Variants in ACO1 observed in about 807,000 individuals in gnomAD.
ACO1 encodes cytoplasmic aconitate hydratase.
A neutral mutation model predicts 105.1 loss-of-function variants in ACO1; 78 were observed. The observed-to-expected ratio is 0.74, with a 90% CI of 0.62 to 0.90. The LOEUF is 0.90. ACO1 is among the 40% of genes least tolerant of loss of function. The probability of loss-of-function intolerance (pLI) is 0.00; values close to 1 mark genes in which losing one functional copy is unlikely to be tolerated. For missense variants in ACO1, 965 were observed against 1,111.1 expected (o/e 0.87, Z 1.87); for synonymous variants, 364 against 397.4 (o/e 0.92, Z 1.00).
At position 32,433,797 on chromosome 9, in the gene ACO1, A is replaced by G. The variant is rs1455611127; in HGVS notation, c.1921A>G (p.Thr641Ala). 6 of 1,612,138 alleles carry G rather than the reference A, an allele frequency of 3.7e-6. No individual in the cohort carries two copies. The highest frequency in any genetic ancestry group is 2.7e-5 in the African/African-American group (2 of 74,824). ...GCTGTTTTTCTGGAATTCCAAATCTACGTATATCAAATCACCACCATTCTT... is the reference window on the plus strand; with the variant it reads ...GCTGTTTTTCTGGAATTCCAAATCTGCGTATATCAAATCACCACCATTCTT... The part of the protein sequence containing the change: ...DKLFFWNSKS[T>A]YIKSPPFFEN... The change falls in exon 16 of 21, where the codon ACG becomes GCG. Residue 641 changes from threonine (T) to alanine (A), a missense_variant. Coordinates refer to ENST00000309951, the MANE Select transcript of ACO1 (RefSeq NM_002197.3).
intron 19 of ACO1, 49 bp downstream of exon 19, chr9:32,440,636 A>G: frequency 6.3e-7 from 1 of 1,590,864 alleles, no homozygotes; most frequent in South Asian, 1.1e-5. Context: ...CTGAACTGGG[A>G]GGGTCCCCAG....
intron 19 of ACO1, 145 bp from the exon 20 acceptor site, chr9:32,448,751 C>G (rs1030021166): frequency 9.8e-6 from 8 of 813,830 alleles, no homozygotes; most frequent in Middle Eastern, 2.6e-4. Context: ...AATCACTCGC[C>G]TTCTGTGTCA....
intron 4 of ACO1, among the ~76,000 whole-genome samples, chr9:32,412,310 G>C (rs1821757653): frequency 6.6e-6 from 1 of 152,142 alleles, no homozygotes; most frequent in South Asian, 2.1e-4. Context: ...AATGATGCAG[G>C]AATTAAAAGA....
In ACO1 at chr9:32,430,450, A is replaced by C; in HGVS notation, c.1602A>C (p.Gly534=). Residue 534 remains glycine (G), a synonymous_variant, in exon 14 of 21, where the codon GGA becomes GGC. Transcript: ENST00000309951. ...GDLVAVGVLS[G]NRNFEGRVHP... The stretch of plus-strand genomic sequence containing the variant: ...TTGTAGCTGTTGGAGTACTATCTGG[A>C]AACAGGAATTTTGAAGGTCGAGTTC... 1 of 1,612,514 alleles carries C rather than the reference A, an allele frequency of 6.2e-7. No homozygotes were observed. The highest frequency in any genetic ancestry group is 8.5e-7 in the Non-Finnish European group (1 of 1,179,452).
At position 32,431,646 on chromosome 9, in the gene ACO1, G is replaced by A. The variant is rs74846386; in HGVS notation, c.1727-73G>A. ...ATAGAACATAACTACCGAGGAGAAC[G>A]AGGCTTGACTCTGTATAATCATGAA... On this transcript the variant is annotated intron_variant, in intron 14 of 20. Transcript: ENST00000309951. The A allele has an allele frequency of 6.4e-5, 99 of 1,540,830 alleles. 1 individual carries two copies. In the East Asian group the frequency reaches 2.0e-3, roughly 32 times the overall value.
chr9:32,422,210 T>G (rs978302538), intron 8 of ACO1, among the ~76,000 whole-genome samples: 1 of 152,204 alleles, frequency 6.6e-6, no homozygotes, highest in African/African-American at 2.4e-5. Flanking sequence ...GCCATTATAC[T>G]TCTTGGTAAT....
intron 18 of ACO1, among the ~76,000 whole-genome samples, chr9:32,436,863 C>T (rs1016838809): frequency 6.6e-6 from 1 of 152,182 alleles, no homozygotes; most frequent in Non-Finnish European, 1.5e-5. Context: ...CCCAGCTCCA[C>T]GTTATACTAG....
rs748985515 is a variant in ACO1, at chr9:32,434,713, T to C, written c.2099+12T>C. On this transcript the variant is annotated intron_variant, in intron 17 of 20. Coordinates refer to ENST00000309951, the MANE Select transcript of ACO1 (RefSeq NM_002197.3). Reference sequence around the variant, plus strand: ...TTAACTAACAGAGGGTAAGTATGAATGAGGCAGGAAGGACTAAAGGCAAAA... The same window carrying C: ...TTAACTAACAGAGGGTAAGTATGAACGAGGCAGGAAGGACTAAAGGCAAAA... 1.9e-6 allele frequency: 3 copies of C among 1,613,818 alleles called. No homozygotes were observed. The highest frequency in any genetic ancestry group is 1.1e-5 in the South Asian group (1 of 91,058).
chr9:32,416,120 C>T (rs1202887082), intron 4 of ACO1, among the ~76,000 whole-genome samples: 3 of 138,270 alleles, frequency 2.2e-5, no homozygotes, highest in East Asian at 2.1e-4. Flanking sequence ...TTTGAGATGG[C>T]GTCTTGCTTT....
At chr9:32,441,477 AT>A (rs1822478649) in intron 19 of ACO1, among the ~76,000 whole-genome samples, 3 of 152,214 alleles carry the variant, frequency 2.0e-5, no homozygotes. Context: ...TTCTCCAGAC[AT>A]TTAGGCTTCT....
intron 1 of ACO1, among the ~76,000 whole-genome samples, chr9:32,391,029 C>G (rs1821257555): frequency 6.6e-6 from 1 of 152,122 alleles, no homozygotes; most frequent in Non-Finnish European, 1.5e-5. Flanking sequence ...TTTAAATCTT[C>G]AGTAAAAGAA....
chr9:32,410,222 A>G (rs1311327403), intron 4 of ACO1, among the ~76,000 whole-genome samples: 1 of 152,212 alleles, frequency 6.6e-6, no homozygotes, highest in Non-Finnish European at 1.5e-5. Context: ...AAATAGTAGA[A>G]TCTAAGAGAA....
intron 1 of ACO1, among the ~76,000 whole-genome samples, chr9:32,398,538 T>C (rs924665673): frequency 6.7e-6 from 1 of 149,970 alleles, no homozygotes; most frequent in Admixed American, 6.6e-5. Context: ...GGTTCGGAAT[T>C]TCTTTTTTTT....
intron 15 of ACO1, 132 bp from the exon 16 acceptor site, chr9:32,433,596 C>G (rs1217624556): frequency 1.5e-6 from 1 of 652,640 alleles, no homozygotes. Flanking sequence ...TAAAGGAACT[C>G]TTGTATGTGG....
At chr9:32,411,598 AT>A (rs1269329801) in intron 4 of ACO1, among the ~76,000 whole-genome samples, 1 of 152,236 alleles carries the variant, frequency 6.6e-6, no homozygotes, top group East Asian at 1.9e-4. Flanking sequence ...ACATTTCATA[AT>A]AAAAGGAAAT....
Position 32,384,690 on chromosome 9 carries a change from T to C in ACO1, c.-68T>C. On this transcript the variant is annotated 5_prime_UTR_variant, in exon 1 of 21. Transcript: ENST00000309951. ...AGCGCACGGGAACGCGTCCCGCTGC[T>C]TGGGTCAGGTTCGCCGGTCGCGGGA... 2.4e-6 allele frequency: 1 copy of C among 412,096 alleles called. No individual in the cohort carries two copies. 25.5% of individuals were successfully genotyped at this position (412,096 alleles called of 1,614,324 possible). A position where few individuals can be genotyped will look rare whatever the true frequency, so the allele number is the denominator to read the frequency against.
intron 14 of ACO1, among the ~76,000 whole-genome samples, chr9:32,431,281 A>T (rs1822229417): frequency 6.6e-6 from 1 of 152,184 alleles, no homozygotes; most frequent in South Asian, 2.1e-4. Context: ...CCTGCGATAT[A>T]TAAGGATCCT....
At chr9:32,396,533 C>G (rs1294274637) in intron 1 of ACO1, among the ~76,000 whole-genome samples, 1 of 152,194 alleles carries the variant, frequency 6.6e-6, no homozygotes, top group African/African-American at 2.4e-5. Context: ...ACCAGGCATG[C>G]CACCACCTCA....
intron 15 of ACO1, among the ~76,000 whole-genome samples, 192 bp from the exon 16 acceptor site, chr9:32,433,536 C>T (rs1041066897): frequency 1.3e-5 from 2 of 152,066 alleles, no homozygotes; most frequent in African/African-American, 2.4e-5. Flanking sequence ...CATGCCCAGC[C>T]CACAGTGTCT....
Sources: gnomAD v4.1 joint callset for allele counts (sites outside exome capture counted in the v4.1 genomes callset) on GRCh38, gnomAD v4.1.1 for gene constraint, MANE v1.5 for transcripts, NCBI Gene and HGNC (gene_info 2026-07-23, HGNC 2026-07-21) for gene names.